The following YJU2 variants were observed in gnomAD, a reference collection of about 807,000 sequenced individuals.
YJU2 encodes the protein splicing factor YJU2.
A neutral mutation model predicts 39.6 loss-of-function variants in YJU2; 28 were observed. The ratio of observed to expected loss-of-function variants is 0.71; its 90% CI spans 0.52 to 0.97. YJU2 has a LOEUF of 0.97. Among genes scored for constraint, YJU2 ranks in the 50% least tolerant of loss-of-function variants. The probability of loss-of-function intolerance (pLI) is 0.00; values close to 1 mark genes in which losing one functional copy is unlikely to be tolerated. For synonymous variants in YJU2, 184 were observed against 182.4 expected (o/e 1.01, Z -0.07); for missense variants, 328 against 430.4 (o/e 0.76, Z 2.11).
chr19:4,249,207 C>T (rs778395141), intron 1 of YJU2, 21 bp from the exon 2 acceptor site: 11 of 1,546,096 alleles, frequency 7.1e-6, no homozygotes, highest in South Asian at 2.3e-5. Flanking sequence ...ACTCCCCCAA[C>T]GTTTCCTTCC....
intron 5 of YJU2, among the ~76,000 whole-genome samples, chr19:4,260,094 A>G (rs1971058546): frequency 6.6e-6 from 1 of 151,578 alleles, no homozygotes; most frequent in South Asian, 2.1e-4. Context: ...ACTTAACCAC[A>G]CCACTGCCCT....
At chr19:4,265,953 AT>A (rs75896159) in intron 6 of YJU2, among the ~76,000 whole-genome samples, 23,866 of 117,110 alleles carry the variant, frequency 0.2, 2,216 homozygotes, top group African/African-American at 0.3. Context: ...GAGCTACGAC[AT>A]TTTTTTTTTT....
chr19:4,265,942 A>G (rs1971111813), intron 6 of YJU2, among the ~76,000 whole-genome samples: 1 of 144,396 alleles, frequency 6.9e-6, no homozygotes, highest in Non-Finnish European at 1.5e-5. Context: ...ACATCAGCCC[A>G]GAGCTACGAC....
At chr19:4,258,693 G>A (rs555417686) in intron 5 of YJU2, among the ~76,000 whole-genome samples, 11 of 152,376 alleles carry the variant, frequency 7.2e-5, no homozygotes, top group African/African-American at 2.6e-4. Flanking sequence ...AAAGGCATGT[G>A]TGGTGTGTCG....
chr19:4,247,158 A>G lies in YJU2; in HGVS notation c.12A>G (p.Arg4=). The G allele has an allele frequency of 6.2e-7, 1 of 1,614,036 alleles. No individual in the cohort carries two copies. The highest frequency in any genetic ancestry group is 8.5e-7 in the Non-Finnish European group (1 of 1,179,884). Residue 4 remains arginine, a synonymous_variant, in exon 1 of 8, where the codon CGA becomes CGG. Coordinates refer to ENST00000262962, the MANE Select transcript of YJU2 (RefSeq NM_018074.6). Reference sequence around the variant, plus strand: ...ATCAGAAGGCAAAGATGTCGGAGCGAAAAGTATTAAACGTAAGTGTTGGGC... The same window carrying G: ...ATCAGAAGGCAAAGATGTCGGAGCGGAAAGTATTAAACGTAAGTGTTGGGC... The part of the protein sequence containing the change: MSE[R]KVLNKYYPPD...
chr19:4,251,168 C>T lies in YJU2; in HGVS notation c.267C>T (p.Phe89=). The T allele has an allele frequency of 6.2e-7, 1 of 1,613,670 alleles. No individual in the cohort carries two copies. Among genetic ancestry groups the T allele is most frequent in the Non-Finnish European group, 8.5e-7 (1 of 1,179,770 alleles). The stretch of plus-strand genomic sequence containing the variant: ...CGCGCTGCCTGGCAGAGATCACCTT[C>T]AAGGTAGGTGAGACGGCCGGCCAGG... ...KCTRCLAEIT[F]KTDPENTDYT... is the part of the protein sequence containing the mutation. Residue 89 remains phenylalanine (F), a synonymous_variant, in exon 3 of 8, where the codon TTC becomes TTT. Transcript: ENST00000262962.
chr19:4,249,411 T>A (rs1970957537), intron 2 of YJU2, 83 bp downstream of exon 2: 8 of 853,964 alleles, frequency 9.4e-6, no homozygotes, highest in Non-Finnish European at 1.5e-5. Context: ...ACTCGTCCGG[T>A]GTTAAGACCA....
chr19:4,262,678 G>C (rs137879661), intron 6 of YJU2, among the ~76,000 whole-genome samples: 1 of 152,072 alleles, frequency 6.6e-6, no homozygotes, highest in Non-Finnish European at 1.5e-5. Flanking sequence ...GGAGGCCAAG[G>C]CAGGAGGATC....
intron 1 of YJU2, chr19:4,247,462 T>A (rs1398902450): frequency 6.4e-5 from 20 of 311,930 alleles, no homozygotes. Context: ...GGGCGGGGCT[T>A]CCTTAAATGC....
At position 4,247,110 on chromosome 19, in the gene YJU2, A is replaced by G. The variant is rs1970924551; in HGVS notation, c.-37A>G. On this transcript the variant is annotated 5_prime_UTR_variant, in exon 1 of 8. Coordinates refer to ENST00000262962, the MANE Select transcript of YJU2 (RefSeq NM_018074.6). Reference sequence around the variant, plus strand: ...AGCTCGATAATTACCCAGCCTAACCATTTCTCAGGTGCTTGCGAGGTGATC... The same window carrying G: ...AGCTCGATAATTACCCAGCCTAACCGTTTCTCAGGTGCTTGCGAGGTGATC... 2.5e-6 allele frequency: 4 copies of G among 1,608,526 alleles called. No homozygotes were observed. The highest frequency in any genetic ancestry group is 1.3e-5 in the African/African-American group (1 of 74,786).
At chr19:4,248,426 G>C (rs1446731505) in intron 1 of YJU2, among the ~76,000 whole-genome samples, 1 of 152,234 alleles carries the variant, frequency 6.6e-6, no homozygotes, top group African/African-American at 2.4e-5. Context: ...TCACAGAGGA[G>C]TAAACTGAGC....
chr19:4,258,101 T>C (rs1433892794), intron 4 of YJU2, 141 bp from the exon 5 acceptor site: 10 of 1,254,810 alleles, frequency 8.0e-6, no homozygotes, highest in Admixed American at 5.2e-5. Flanking sequence ...GCGCTGGGCA[T>C]GGGCAGGGGG....
rs1159352536 is a variant in YJU2 at position 4,269,022 on chromosome 19, G to A, written c.*326G>A. Reference sequence around the variant, plus strand: ...GTTTGGGGCACTGGGCGAGCCTGCCGGCCTCTAGATGGCCTCATCTCTTCC... The same window carrying A: ...GTTTGGGGCACTGGGCGAGCCTGCCAGCCTCTAGATGGCCTCATCTCTTCC... On this transcript the variant is annotated 3_prime_UTR_variant, in exon 8 of 8. Transcript: ENST00000262962. 22 of 324,872 alleles carry A rather than the reference G, an allele frequency of 6.8e-5. No homozygotes were observed. Among genetic ancestry groups the A allele is most frequent in the South Asian group, 2.3e-4 (6 of 25,972 alleles). The allele number at this position is 324,872 out of a possible 1,614,324, so 20.1% of individuals were successfully genotyped here.
Position 4,247,080 on chromosome 19 carries a change from G to A in YJU2, c.-67G>A, listed in dbSNP as rs1197852007. On this transcript the variant is annotated 5_prime_UTR_variant, in exon 1 of 8. Coordinates refer to ENST00000262962, the MANE Select transcript of YJU2 (RefSeq NM_018074.6). ...CGTTTGCGGAAGTAAGGCTTCCGTC[G>A]GAAAAGCTCGATAATTACCCAGCCT... 10 of 1,494,832 alleles carry A rather than the reference G, an allele frequency of 6.7e-6. No homozygotes were observed. Among genetic ancestry groups the A allele is most frequent in the Non-Finnish European group, 8.4e-6 (9 of 1,071,406 alleles). 92.6% of individuals were successfully genotyped at this position (1,494,832 alleles called of 1,614,324 possible). A position where few individuals can be genotyped will look rare whatever the true frequency, so the allele number is the denominator to read the frequency against.
intron 6 of YJU2, among the ~76,000 whole-genome samples, chr19:4,265,862 G>C (rs1971111258): frequency 6.6e-6 from 1 of 152,030 alleles, no homozygotes; most frequent in Non-Finnish European, 1.5e-5. Flanking sequence ...GCCTCCCAAA[G>C]TGTTGGGATT....
In YJU2 at chr19:4,268,772, G is replaced by A. The variant is rs1488244292; in HGVS notation, c.*76G>A. 3 of 1,105,360 alleles carry A rather than the reference G, an allele frequency of 2.7e-6. No homozygotes were observed. The Admixed American group carries it at 5.9e-5, about 22-fold the overall frequency. 68.5% of individuals were successfully genotyped at this position (1,105,360 alleles called of 1,614,324 possible). A position where few individuals can be genotyped will look rare whatever the true frequency, so the allele number is the denominator to read the frequency against. On this transcript the variant is annotated 3_prime_UTR_variant, in exon 8 of 8. Coordinates refer to ENST00000262962, the MANE Select transcript of YJU2 (RefSeq NM_018074.6). The stretch of plus-strand genomic sequence containing the variant: ...CACATTGAGGCCAGCATTGCTGGTG[G>A]TCAGGGCAGGAGGCCTTGGCGTGAC...
chr19:4,247,614 TG>T (rs1970936353), intron 1 of YJU2, among the ~76,000 whole-genome samples: 1 of 14,778 alleles, frequency 6.8e-5, no homozygotes, highest in Admixed American at 6.2e-4. Flanking sequence ...TGTGTGTGTG[TG>T]TGTGTGTGTG....
Position 4,268,836 on chromosome 19 carries a change from A to G in YJU2, c.*140A>G. ...GACAAGCGCCAGCGTGCTCCAACAC[A>G]TAGGGCCACCAGGGGCCTCAGCCCC... On this transcript the variant is annotated 3_prime_UTR_variant, in exon 8 of 8. Coordinates refer to ENST00000262962, the MANE Select transcript of YJU2 (RefSeq NM_018074.6). 1 of 639,980 alleles carries G rather than the reference A, an allele frequency of 1.6e-6. No homozygotes were observed. The highest frequency in any genetic ancestry group is 2.8e-5 in the East Asian group (1 of 36,350). 39.6% of individuals were successfully genotyped at this position (639,980 alleles called of 1,614,324 possible).
chr19:4,263,029 G>A (rs986705584), intron 6 of YJU2, among the ~76,000 whole-genome samples: 35 of 148,722 alleles, frequency 2.4e-4, no homozygotes, highest in Admixed American at 1.2e-3. Context: ...AGCCGAGATC[G>A]TGCCACTGCA....
Sources: allele counts gnomAD v4.1 joint callset (sites outside exome capture counted in the v4.1 genomes callset), GRCh38; gene constraint gnomAD v4.1.1; transcripts MANE v1.5; gene names NCBI Gene and HGNC (gene_info 2026-07-23, HGNC 2026-07-21).